The following RRM1 variants were observed in gnomAD, a reference collection of about 807,000 sequenced individuals.
RRM1 encodes the protein ribonucleoside-diphosphate reductase large subunit.
Under a neutral mutation model 101.5 loss-of-function variants are expected in RRM1, and 19 were observed. That is an observed-to-expected ratio of 0.19 (90% confidence interval 0.13 to 0.27). RRM1 has a LOEUF of 0.27. Ranked by LOEUF, RRM1 falls within the 10% of genes least tolerant of loss-of-function variation. RRM1 has a pLI of 1.00. For missense variants in RRM1, 500 were observed against 962.9 expected (o/e 0.52, Z 6.36); for synonymous variants, 298 against 323.4 (o/e 0.92, Z 0.84).
intron 7 of RRM1, among the ~76,000 whole-genome samples, chr11:4,113,102 G>T (rs2094567819): frequency 1.4e-5 from 2 of 141,100 alleles, no homozygotes; most frequent in South Asian, 2.3e-4. Flanking sequence ...GAACACTAAC[G>T]GTCTGGTAAT....
rs912086549 is a variant in RRM1 at position 4,095,101 on chromosome 11, C to G, written c.19+70C>G. On this transcript the variant is annotated intron_variant, in intron 1 of 18. Transcript: ENST00000300738. ...GGGCTGCCGCCGCCGGAGCTGATGCCCAGACCGCCCGCCCGCCTTCGCTGC... is the reference window on the plus strand; with the variant it reads ...GGGCTGCCGCCGCCGGAGCTGATGCGCAGACCGCCCGCCCGCCTTCGCTGC... 2.0e-6 allele frequency: 3 copies of G among 1,511,216 alleles called. No homozygotes were observed. The African/African-American group carries it at 4.2e-5, about 21-fold the overall frequency. The allele number at this position is 1,511,216 out of a possible 1,614,324, so 93.6% of individuals were successfully genotyped here. A position where few individuals can be genotyped will look rare whatever the true frequency, so the allele number is the denominator to read the frequency against.
At chr11:4,102,609 G>A (rs1308038480) in intron 2 of RRM1, among the ~76,000 whole-genome samples, 1 of 149,364 alleles carries the variant, frequency 6.7e-6, no homozygotes, top group Non-Finnish European at 1.5e-5. Flanking sequence ...CCGAGATCGT[G>A]CCACTGCACT....
intron 8 of RRM1, chr11:4,119,039 G>T (rs182808417): frequency 5.9e-5 from 9 of 152,426 alleles, no homozygotes; most frequent in African/African-American, 2.2e-4. Flanking sequence ...TTCAATGGGA[G>T]TCAAGATAAT....
chr11:4,112,172 A>G, intron 7 of RRM1, 110 bp downstream of exon 7: 1 of 755,562 alleles, frequency 1.3e-6, no homozygotes, highest in Non-Finnish European at 2.1e-6. Flanking sequence ...CTCTGATTAA[A>G]TGAGATTTAG....
At chr11:4,126,614 T>C (rs2094589988) in intron 12 of RRM1, 70 bp from the exon 13 acceptor site, 1 of 1,415,374 alleles carries the variant, frequency 7.1e-7, no homozygotes, top group South Asian at 1.3e-5. Flanking sequence ...GAGGCTCACA[T>C]GGTGGTGTAA....
chr11:4,109,589 G>A, intron 4 of RRM1, 55 bp from the exon 5 acceptor site: 1 of 1,419,632 alleles, frequency 7.0e-7, no homozygotes, highest in South Asian at 1.3e-5. Context: ...AAGAGATTTT[G>A]TGAAAATAAG....
rs1309512740 is a variant in RRM1 at position 4,133,557 on chromosome 11, A to T, written c.1906-6A>T. Reference sequence around the variant, plus strand: ...TTCTTCATACATTTTCTGCTTTTCCATTCAGATTGTAAATCCTCACTTATT... The same window carrying T: ...TTCTTCATACATTTTCTGCTTTTCCTTTCAGATTGTAAATCCTCACTTATT... On this transcript the variant is annotated splice_polypyrimidine_tract_variant and splice_region_variant and intron_variant, in intron 16 of 18. Transcript: ENST00000300738. 1 of 1,589,360 alleles carries T rather than the reference A, an allele frequency of 6.3e-7. No homozygotes were observed. Among genetic ancestry groups the T allele is most frequent in the Admixed American group, 1.7e-5 (1 of 58,758 alleles).
In RRM1 at chr11:4,111,207, A is replaced by G. The variant is rs138538465; in HGVS notation, c.448-394A>G. ...GTTTTTTTTAAAAAAAGTGCCAATG[A>G]TAATTCTGGCTAACATGACGAAACC... is the stretch of plus-strand genomic sequence containing the variant. On this transcript the variant is annotated intron_variant, in intron 5 of 18. Coordinates refer to ENST00000300738, the MANE Select transcript of RRM1 (RefSeq NM_001033.5). Among the ~76,000 whole-genome samples, 211 of 152,132 alleles carry G rather than the reference A, an allele frequency of 1.4e-3. 1 individual carries two copies. Among genetic ancestry groups the G allele is most frequent in the African/African-American group, 4.9e-3 (202 of 41,514 alleles).
intron 7 of RRM1, among the ~76,000 whole-genome samples, chr11:4,115,272 A>C (rs1284160566): frequency 1.3e-5 from 2 of 152,204 alleles, no homozygotes; most frequent in East Asian, 3.9e-4. Flanking sequence ...AGAGATGATA[A>C]GGATTTTGAC....
intron 7 of RRM1, chr11:4,116,027 CTTCT>C (rs1397117580): frequency 6.6e-6 from 1 of 152,174 alleles, no homozygotes; most frequent in Non-Finnish European, 1.5e-5. Flanking sequence ...GGGCAAAAAT[CTTCT>C]TTATTGAGCT....
intron 2 of RRM1, 43 bp from the exon 3 acceptor site, chr11:4,106,003 T>C: frequency 6.5e-7 from 1 of 1,547,636 alleles, no homozygotes; most frequent in African/African-American, 1.4e-5. Flanking sequence ...GAAGCTATTG[T>C]TTCTTGGGAA....
chr11:4,118,558 G>A (rs1590723109), intron 8 of RRM1, 97 bp downstream of exon 8: 1 of 1,308,648 alleles, frequency 7.6e-7, no homozygotes, highest in East Asian at 2.3e-5. Flanking sequence ...GGGAGTCCTG[G>A]GTCTCTGTTA....
rs1467674028 is a variant in RRM1, at chr11:4,135,261, C to G, written c.2181C>G (p.Gly727=). Reference sequence around the variant, plus strand: ...AACTCACTAGTATGCACTTCTACGGCTGGAAGCAGGTTGGTAGAGAATATC... The same window carrying G: ...AACTCACTAGTATGCACTTCTACGGGTGGAAGCAGGTTGGTAGAGAATATC... ...YGKLTSMHFY[G]WKQGLKTGMY... Residue 727 remains glycine (G), a synonymous_variant, in exon 18 of 19, where the codon GGC becomes GGG. Coordinates refer to ENST00000300738, the MANE Select transcript of RRM1 (RefSeq NM_001033.5). 1 of 1,603,744 alleles carries G rather than the reference C, an allele frequency of 6.2e-7. No individual in the cohort carries two copies. The highest frequency in any genetic ancestry group is 1.7e-5 in the Admixed American group (1 of 59,058).
intron 9 of RRM1, among the ~76,000 whole-genome samples, chr11:4,120,150 G>A (rs138329260): frequency 1.3e-5 from 2 of 152,174 alleles, no homozygotes; most frequent in East Asian, 3.9e-4. Context: ...TTGATAAAGA[G>A]GTAGAACATT....
chr11:4,101,564 C>CCCCCCG (rs1554973354), intron 1 of RRM1, among the ~76,000 whole-genome samples: 2 of 114,778 alleles, frequency 1.7e-5, no homozygotes, highest in South Asian at 3.4e-4. Context: ...TCCACACCCC[C>CCCCCCG]CCCCGCTCCC....
chr11:4,114,071 G>A (rs888645265), intron 7 of RRM1, among the ~76,000 whole-genome samples: 5 of 152,016 alleles, frequency 3.3e-5, no homozygotes, highest in Non-Finnish European at 5.9e-5. Context: ...GGAGGCAGAG[G>A]TTGCAGTGAG....
Position 4,136,383 on chromosome 11 carries a change from C to T in RRM1, c.2190+1113C>T, listed in dbSNP as rs1425564324. 2.0e-5 allele frequency among the ~76,000 whole-genome samples: 3 copies of T among 151,846 alleles called. No individual in the cohort carries two copies. In the East Asian group the frequency reaches 5.8e-4, roughly 30 times the overall value. On this transcript the variant is annotated intron_variant, in intron 18 of 18. Coordinates refer to ENST00000300738, the MANE Select transcript of RRM1 (RefSeq NM_001033.5). ...CACAGGTGTGTGCCAACACACCTGG[C>T]TAATTTTTGTATTTTTATTAGAGAT...
At position 4,129,137 on chromosome 11, in the gene RRM1, G is replaced by A; in HGVS notation, c.1756G>A (p.Glu586Lys). ...TDLWDWKVLK[E>K]KIAKYGIRNS... ...CCTATGGGACTGGAAGGTTCTCAAG[G>A]AGAAGATTGCAAAGTAAGTGAAAAG... Residue 586 changes from glutamate to lysine, a missense_variant, in exon 15 of 19, where the codon GAG becomes AAG. Physicochemically the swap from Glu to Lys is moderately conservative, Grantham distance 56. Around this residue, in one of 9 missense-constraint regions of RRM1, gnomAD observed 106 missense variants for 138.1 expected, o/e 0.77. Transcript: ENST00000300738. The A allele has an allele frequency of 6.2e-7, 1 of 1,600,014 alleles. No homozygotes were observed. Among genetic ancestry groups the A allele is most frequent in the Non-Finnish European group, 8.6e-7 (1 of 1,169,014 alleles).
At position 4,129,776 on chromosome 11, in the gene RRM1, T is replaced by A. The variant is rs559803209; in HGVS notation, c.1769+626T>A. Among the ~76,000 whole-genome samples the A allele has an allele frequency of 5.0e-4, 76 of 152,170 alleles. No homozygotes were observed. The South Asian group carries it at 5.8e-3, about 12-fold the overall frequency. On this transcript the variant is annotated intron_variant, in intron 15 of 18. Transcript: ENST00000300738. The stretch of plus-strand genomic sequence containing the variant: ...ATGGGTTAATGCATATGCAAAGTGA[T>A]TAATATTTGGAGAATGAAGCAGTAG...
Sources: gnomAD v4.1 joint callset for allele counts (sites outside exome capture counted in the v4.1 genomes callset) on GRCh38, gnomAD v4.1.1 for gene constraint, gnomAD v4.1.1 regional missense constraint, MANE v1.5 for transcripts, NCBI Gene and HGNC (gene_info 2026-07-23, HGNC 2026-07-21) for gene names.